Variants in SLC36A4 observed in about 807,000 individuals in gnomAD.
SLC36A4 encodes the protein neutral amino acid uniporter 4.
SLC36A4 carries 49 observed loss-of-function variants against 50.5 expected under a neutral mutation model. The ratio of observed to expected loss-of-function variants is 0.97; its 90% CI spans 0.77 to 1.23. SLC36A4 has a LOEUF of 1.23. SLC36A4 is among the 50% of genes most tolerant of loss of function. The pLI, the probability that SLC36A4 is intolerant of heterozygous loss-of-function variation, is 0.00. For missense variants in SLC36A4, 611 were observed against 608.4 expected (o/e 1.00, Z -0.05); for synonymous variants, 207 against 206.5 (o/e 1.00, Z -0.02).
intron 1 of SLC36A4, chr11:93,197,379 C>G: frequency 4.2e-6 from 1 of 236,466 alleles, no homozygotes; most frequent in Non-Finnish European, 8.3e-6. Flanking sequence ...GAGGATTCAT[C>G]TGGAGATTCC....
At chr11:93,181,599 T>A (rs61920515) in intron 5 of SLC36A4, 92 bp downstream of exon 5, 4 of 943,952 alleles carry the variant, frequency 4.2e-6, no homozygotes, top group Non-Finnish European at 5.7e-6. Flanking sequence ...CCCAACTTTA[T>A]CATATTTTTA....
In SLC36A4 at chr11:93,197,965, T is replaced by C; in HGVS notation, c.-133A>G. 3.2e-6 allele frequency: 3 copies of C among 937,778 alleles called. No homozygotes were observed. The highest frequency in any genetic ancestry group is 4.4e-5 in the South Asian group (2 of 45,802). 58.1% of individuals were successfully genotyped at this position (937,778 alleles called of 1,614,324 possible). A position where few individuals can be genotyped will look rare whatever the true frequency, so the allele number is the denominator to read the frequency against. ...GGTGCCCGCCTCCCTGCCCCGGCGC[T>C]CCCCAACCGCGCGGCGAGGAGCATG... is the stretch of plus-strand genomic sequence containing the variant. On this transcript the variant is annotated 5_prime_UTR_variant, in exon 1 of 11. Transcript: ENST00000326402.
At position 93,148,454 on chromosome 11, in the gene SLC36A4, T is replaced by C. The variant is rs1373110458; in HGVS notation, c.*83A>G. 6.1e-6 allele frequency: 7 copies of C among 1,152,232 alleles called. No homozygotes were observed. In the Admixed American group the frequency reaches 1.6e-4, roughly 27 times the overall value. 71.4% of individuals were successfully genotyped at this position (1,152,232 alleles called of 1,614,324 possible). On this transcript the variant is annotated 3_prime_UTR_variant, in exon 11 of 11. Coordinates refer to ENST00000326402, the MANE Select transcript of SLC36A4 (RefSeq NM_152313.4). ...AAAACAGAGTTTGTTACCATTTTTATGTATATAGCAATGTATTTTACTAGT... is the reference window on the plus strand; with the variant it reads ...AAAACAGAGTTTGTTACCATTTTTACGTATATAGCAATGTATTTTACTAGT...
At chr11:93,186,740 A>G (rs956527558) in intron 1 of SLC36A4, among the ~76,000 whole-genome samples, 1 of 152,136 alleles carries the variant, frequency 6.6e-6, no homozygotes, top group Non-Finnish European at 1.5e-5. Flanking sequence ...TGTATCTACA[A>G]TCAATATCAA....
chr11:93,144,792 C>G lies in SLC36A4; in HGVS notation c.*3745G>C, dbSNP rs1859816854. The G allele has an allele frequency of 1.3e-5, 2 of 151,918 alleles. No homozygotes were observed. Among genetic ancestry groups the G allele is most frequent in the African/African-American group, 4.8e-5 (2 of 41,390 alleles). The allele number at this position is 151,918 out of a possible 1,614,324, so 9.4% of individuals were successfully genotyped here. ...GGAAGTACAACTACACTTTTCAGATCCAAGTTTCTCAAATTTTCTTATTAA... is the reference window on the plus strand; with the variant it reads ...GGAAGTACAACTACACTTTTCAGATGCAAGTTTCTCAAATTTTCTTATTAA... On this transcript the variant is annotated 3_prime_UTR_variant, in exon 11 of 11. Coordinates refer to ENST00000326402, the MANE Select transcript of SLC36A4 (RefSeq NM_152313.4).
At chr11:93,156,811 ACT>A (rs1225075129) in intron 9 of SLC36A4, among the ~76,000 whole-genome samples, 7 of 152,126 alleles carry the variant, frequency 4.6e-5, no homozygotes, top group African/African-American at 1.2e-4. Flanking sequence ...TTGCCTGTTC[ACT>A]CTGTTGATAG....
chr11:93,192,129 T>G (rs763269175), intron 1 of SLC36A4, among the ~76,000 whole-genome samples: 3 of 152,162 alleles, frequency 2.0e-5, no homozygotes, highest in Non-Finnish European at 4.4e-5. Flanking sequence ...ATAAGTTGGA[T>G]AGTGTTAAGT....
chr11:93,150,901 T>C (rs1860057863), intron 10 of SLC36A4, among the ~76,000 whole-genome samples: 1 of 152,014 alleles, frequency 6.6e-6, no homozygotes, highest in Non-Finnish European at 1.5e-5. Flanking sequence ...TTGGAATCCA[T>C]TTTTCTTTGT....
At chr11:93,161,535 T>C (rs1860617694) in intron 9 of SLC36A4, among the ~76,000 whole-genome samples, 1 of 152,208 alleles carries the variant, frequency 6.6e-6, no homozygotes. Flanking sequence ...AATGGCTTCC[T>C]ACAAACATTT....
In SLC36A4 at chr11:93,144,753, G is replaced by A. The variant is rs1201963772; in HGVS notation, c.*3784C>T. On this transcript the variant is annotated 3_prime_UTR_variant, in exon 11 of 11. Transcript: ENST00000326402. ...GCCAAAGTATTAACTATTACAGCCA[G>A]GAATTTAATGTTAGGAAGTACAACT... 1.3e-5 allele frequency: 2 copies of A among 151,928 alleles called. No individual in the cohort carries two copies. The highest frequency in any genetic ancestry group is 1.5e-5 in the Non-Finnish European group (1 of 67,954). 9.4% of individuals were successfully genotyped at this position (151,928 alleles called of 1,614,324 possible). A position where few individuals can be genotyped will look rare whatever the true frequency, so the allele number is the denominator to read the frequency against.
intron 6 of SLC36A4, chr11:93,180,204 T>G: frequency 1.0e-6 from 1 of 984,930 alleles, no homozygotes; most frequent in Non-Finnish European, 1.2e-6. Flanking sequence ...TTTATAGTAT[T>G]GTTTTGATGG....
At chr11:93,196,144 C>A (rs1565244220) in intron 1 of SLC36A4, among the ~76,000 whole-genome samples, 1 of 152,086 alleles carries the variant, frequency 6.6e-6, no homozygotes, top group East Asian at 1.9e-4. Context: ...TAATTTGAAA[C>A]TTTTTTTCAG....
chr11:93,149,668 CAAGA>C (rs1239102118), intron 10 of SLC36A4, among the ~76,000 whole-genome samples: 1 of 151,900 alleles, frequency 6.6e-6, no homozygotes, highest in Admixed American at 6.6e-5. Flanking sequence ...GTGTGAAGGT[CAAGA>C]AAGACAAAGA....
At chr11:93,197,646 C>A (rs938408403) in intron 1 of SLC36A4, 132 bp downstream of exon 1, 3 of 1,003,052 alleles carry the variant, frequency 3.0e-6, no homozygotes, top group Non-Finnish European at 4.4e-6. Context: ...CGGATGCTGA[C>A]CACGGGGTCA....
chr11:93,153,965 C>T, intron 10 of SLC36A4, 143 bp downstream of exon 10: 2 of 414,194 alleles, frequency 4.8e-6, no homozygotes, highest in East Asian at 4.2e-5. Flanking sequence ...GAAAAGTAAC[C>T]CAGCTGGGTG....
rs1167288860 is a variant in SLC36A4, at chr11:93,147,483, T to G, written c.*1054A>C. The G allele has an allele frequency of 2.0e-5, 3 of 152,074 alleles. No individual in the cohort carries two copies. The highest frequency in any genetic ancestry group is 4.4e-5 in the Non-Finnish European group (3 of 67,998). The allele number at this position is 152,074 out of a possible 1,614,324, so 9.4% of individuals were successfully genotyped here. ...AAATAGTATAGCTAGACACACATCT[T>G]ACTAGCCAGGAGTTTCACCAGCAAG... On this transcript the variant is annotated 3_prime_UTR_variant, in exon 11 of 11. Coordinates refer to ENST00000326402, the MANE Select transcript of SLC36A4 (RefSeq NM_152313.4).
At chr11:93,186,146 C>T (rs987522735) in intron 1 of SLC36A4, among the ~76,000 whole-genome samples, 6 of 152,146 alleles carry the variant, frequency 3.9e-5, no homozygotes, top group Admixed American at 3.9e-4. Context: ...AATATATTTT[C>T]ATCGCTGCTT....
intron 1 of SLC36A4, 45 bp downstream of exon 1, chr11:93,197,733 C>G: frequency 6.4e-7 from 1 of 1,568,654 alleles, no homozygotes; most frequent in Non-Finnish European, 8.6e-7. Flanking sequence ...CGCACAGACC[C>G]CCGCCCACGT....
chr11:93,152,667 C>T (rs1171651748), intron 10 of SLC36A4: 1 of 152,084 alleles, frequency 6.6e-6, no homozygotes, highest in African/African-American at 2.4e-5. Context: ...AACTTCAATA[C>T]AACAATGCCA....
Sources: allele counts gnomAD v4.1 joint callset (sites outside exome capture counted in the v4.1 genomes callset), GRCh38; gene constraint gnomAD v4.1.1; transcripts MANE v1.5; gene names NCBI Gene and HGNC (gene_info 2026-07-23, HGNC 2026-07-21).